The following STPG2 variants were observed in gnomAD, a reference collection of about 807,000 sequenced individuals.
STPG2 encodes sperm-tail PG-rich repeat-containing protein 2.
A neutral mutation model predicts 54.2 loss-of-function variants in STPG2; 56 were observed. The ratio of observed to expected loss-of-function variants is 1.03; its 90% CI spans 0.83 to 1.29. The LOEUF is 1.29. Among genes scored for constraint, STPG2 ranks in the 50% most tolerant of loss-of-function variants. The pLI, the probability that STPG2 is intolerant of heterozygous loss-of-function variation, is 0.00. For synonymous variants in STPG2, 200 were observed against 181.8 expected (o/e 1.10, Z -0.81); for missense variants, 596 against 544.9 (o/e 1.09, Z -0.93).
intron 5 of STPG2, chr4:98,025,968 C>T (rs567167410): frequency 8.2e-7 from 1 of 1,223,976 alleles, no homozygotes; most frequent in South Asian, 1.2e-5. Context: ...TAGAACTACA[C>T]AGGAAGCACA....
At position 97,864,519 on chromosome 4, in the gene STPG2, G is replaced by A. The variant is rs559075413; in HGVS notation, c.1045-23587C>T. Among the ~76,000 whole-genome samples the A allele has an allele frequency of 5.3e-5, 8 of 152,162 alleles. No homozygotes were observed. In the South Asian group the frequency reaches 1.7e-3, roughly 32 times the overall value. ...TCGTGAAAATGGCCATACTGCCCAA[G>A]GTAATTTATACATTCAATGCCATCC... On this transcript the variant is annotated intron_variant, in intron 8 of 10. Transcript: ENST00000295268.
chr4:97,503,412 GA>G (rs1730768635), intron 4 of STPG2, among the ~76,000 whole-genome samples: 1 of 151,540 alleles, frequency 6.6e-6, no homozygotes. Context: ...CAAAATATCA[GA>G]AAAAAGAAAA....
intron 8 of STPG2, among the ~76,000 whole-genome samples, chr4:97,858,775 A>G (rs1560557754): frequency 6.6e-6 from 1 of 152,142 alleles, no homozygotes; most frequent in Non-Finnish European, 1.5e-5. Flanking sequence ...TACGTATACC[A>G]CATTTTGATT....
intron 5 of STPG2, among the ~76,000 whole-genome samples, chr4:98,007,544 T>A (rs1199121385): frequency 6.6e-6 from 1 of 152,046 alleles, no homozygotes; most frequent in African/African-American, 2.4e-5. Flanking sequence ...TACTGGAATA[T>A]GAAAAAGCAG....
chr4:97,851,312 A>C (rs1340763428), intron 8 of STPG2, among the ~76,000 whole-genome samples: 1 of 152,196 alleles, frequency 6.6e-6, no homozygotes, highest in African/African-American at 2.4e-5. Context: ...TCAATGAATG[A>C]ATATGTCAGT....
chr4:98,101,173 CTTCCCA>C, intron 5 of STPG2, among the ~76,000 whole-genome samples: 1 of 152,274 alleles, frequency 6.6e-6, no homozygotes. Context: ...ACTGAAATCT[CTTCCCA>C]TATTCTCATT....
At chr4:98,021,817 T>C (rs1214883434) in intron 5 of STPG2, among the ~76,000 whole-genome samples, 2 of 152,026 alleles carry the variant, frequency 1.3e-5, no homozygotes, top group Non-Finnish European at 2.9e-5. Flanking sequence ...AAAGTCTCTT[T>C]TATCAGAGAC....
chr4:97,666,419 A>T (rs1242455752), intron 10 of STPG2, among the ~76,000 whole-genome samples: 1 of 152,194 alleles, frequency 6.6e-6, no homozygotes, highest in African/African-American at 2.4e-5. Flanking sequence ...AGGACAAAAA[A>T]CAGACACCTA....
chr4:97,783,527 A>G (rs201006270), intron 9 of STPG2, among the ~76,000 whole-genome samples: 2 of 152,302 alleles, frequency 1.3e-5, no homozygotes, highest in East Asian at 1.9e-4. Flanking sequence ...CAATTCCTCA[A>G]GGATCTAGAA....
intron 8 of STPG2, among the ~76,000 whole-genome samples, chr4:97,875,093 A>G (rs1730127058): frequency 1.3e-5 from 2 of 151,984 alleles, no homozygotes; most frequent in Non-Finnish European, 2.9e-5. Context: ...GTTAATGAAC[A>G]TTTAGATTGT....
intron 9 of STPG2, among the ~76,000 whole-genome samples, chr4:97,831,229 C>T (rs1006120015): frequency 5.3e-5 from 8 of 152,062 alleles, no homozygotes; most frequent in African/African-American, 1.4e-4. Flanking sequence ...AACTCAAAAC[C>T]GCACAACTAC....
chr4:97,857,572 T>C (rs759936758), intron 8 of STPG2, among the ~76,000 whole-genome samples: 1 of 152,148 alleles, frequency 6.6e-6, no homozygotes, highest in African/African-American at 2.4e-5. Context: ...TAACTAGCAG[T>C]CTATTTTATT....
intron 5 of STPG2, among the ~76,000 whole-genome samples, chr4:98,050,537 G>C (rs558085211): frequency 6.6e-6 from 1 of 152,186 alleles, no homozygotes; most frequent in Non-Finnish European, 1.5e-5. Context: ...ATCTGACAGA[G>C]AGCTCATTAC....
intron 4 of STPG2, among the ~76,000 whole-genome samples, chr4:97,519,896 G>C (rs187838117): frequency 6.6e-6 from 1 of 152,154 alleles, no homozygotes; most frequent in East Asian, 1.9e-4. Context: ...GAAGGATCAG[G>C]CTCTTGAGTC....
intron 10 of STPG2, among the ~76,000 whole-genome samples, chr4:97,654,864 A>G (rs191717257): frequency 6.6e-6 from 1 of 152,248 alleles, no homozygotes; most frequent in Non-Finnish European, 1.5e-5. Context: ...TAAATACTGT[A>G]CAGATTAAAA....
chr4:97,945,793 T>G (rs762032503), intron 7 of STPG2, among the ~76,000 whole-genome samples: 4 of 152,172 alleles, frequency 2.6e-5, no homozygotes, highest in Non-Finnish European at 5.9e-5. Context: ...GTACAGTGGC[T>G]CACACCTGTA....
intron 10 of STPG2, among the ~76,000 whole-genome samples, chr4:97,568,513 A>G (rs1004670594): frequency 3.3e-5 from 5 of 152,168 alleles, no homozygotes; most frequent in African/African-American, 1.2e-4. Context: ...TCACACACAC[A>G]TGCACTCTGC....
At chr4:98,010,727 GTCTT>G (rs1359828953) in intron 5 of STPG2, among the ~76,000 whole-genome samples, 4 of 151,972 alleles carry the variant, frequency 2.6e-5, no homozygotes, top group Non-Finnish European at 2.9e-5. Flanking sequence ...CTCTCTTGCT[GTCTT>G]TCTTTTTGAT....
chr4:97,559,103 T>C lies in STPG2; in HGVS notation c.1335A>G (p.Lys445=). ...GPATYEISQE[K]KKGNLIGEMA... is the part of the protein sequence containing the mutation. ...TTTCACCAATGAGATTTCCTTTCTT[T>C]TTCTCCTGGGATATCTGTTTAATAA... Residue 445 remains lysine (K), a synonymous_variant, in exon 11 of 11, where the codon AAA becomes AAG. Transcript: ENST00000295268. 2 of 1,603,054 alleles carry C rather than the reference T, an allele frequency of 1.2e-6. No individual in the cohort carries two copies. The highest frequency in any genetic ancestry group is 8.5e-7 in the Non-Finnish European group (1 of 1,175,840).
Sources: allele counts gnomAD v4.1 joint callset (sites outside exome capture counted in the v4.1 genomes callset), GRCh38; gene constraint gnomAD v4.1.1; transcripts MANE v1.5; gene names NCBI Gene and HGNC (gene_info 2026-07-23, HGNC 2026-07-21).